The following RIPOR2 variants were observed in gnomAD, a reference collection of about 807,000 sequenced individuals.
The protein encoded by RIPOR2 is RHO family interacting cell polarization regulator 2.
Under a neutral mutation model 114.5 loss-of-function variants are expected in RIPOR2, and 39 were observed. The observed-to-expected ratio is 0.34, with a 90% CI of 0.26 to 0.44. RIPOR2 has a LOEUF of 0.44. Ranked by LOEUF, RIPOR2 falls within the 20% of genes least tolerant of loss-of-function variation. The pLI is 1.00. For missense variants in RIPOR2, 1,007 were observed against 1,255.1 expected (o/e 0.80, Z 2.99); for synonymous variants, 445 against 484.4 (o/e 0.92, Z 1.07).
At position 24,839,233 on chromosome 6, in the gene RIPOR2, T is replaced by A; in HGVS notation, c.1897A>T (p.Ser633Cys). 1 of 1,551,892 alleles carries A rather than the reference T, an allele frequency of 6.4e-7. No individual in the cohort carries two copies. Among genetic ancestry groups the A allele is most frequent in the African/African-American group, 1.4e-5 (1 of 73,162 alleles). The change falls in exon 14 of 22, where the codon AGT becomes TGT. Residue 633 changes from serine to cysteine, a missense_variant. Transcript: ENST00000643898. ...AVSRSRSSSLSLTVESALESF... is the reference protein window; with the variant it reads ...AVSRSRSSSLCLTVESALESF... ...TCTAAAGCACTTTCAACTGTGAGAC[T>A]TAAACTGGAAGACCTGCTGCGGCTT...
At chr6:25,038,609 C>T (rs1777349866) in intron 1 of RIPOR2, among the ~76,000 whole-genome samples, 1 of 152,146 alleles carries the variant, frequency 6.6e-6, no homozygotes, top group Non-Finnish European at 1.5e-5. Flanking sequence ...AGGCCTCAGG[C>T]CTACAACTGC....
chr6:24,955,044 G>A lies in RIPOR2; in HGVS notation c.77-79227C>T, dbSNP rs34729112. On this transcript the variant is annotated intron_variant, in intron 1 of 13. Transcript: ENST00000510784. Reference sequence around the variant, plus strand: ...ACATATATACTGAGTATGTGTAGATGTGCTTAGAGGAAAGGATGTTGGCCA... The same window carrying A: ...ACATATATACTGAGTATGTGTAGATATGCTTAGAGGAAAGGATGTTGGCCA... Among the ~76,000 whole-genome samples, 1,235 of 149,916 alleles carry A rather than the reference G, an allele frequency of 8.2e-3. 4 individuals carry two copies. Among genetic ancestry groups the A allele is most frequent in the Non-Finnish European group, 0.013 (886 of 67,130 alleles).
chr6:24,902,271 G>A (rs1042329684), intron 1 of RIPOR2, among the ~76,000 whole-genome samples: 1 of 150,684 alleles, frequency 6.6e-6, no homozygotes, highest in African/African-American at 2.4e-5. Context: ...CTGGAGTACA[G>A]TGGCGCGATC....
intron 19 of RIPOR2, among the ~76,000 whole-genome samples, chr6:24,819,662 A>ACTTTTTTT (rs1759494036): frequency 9.7e-6 from 1 of 103,308 alleles, no homozygotes; most frequent in African/African-American, 3.3e-5. Context: ...CGCCCAGCTA[A>ACTTTTTTT]TTTTTTTTTT....
Position 24,873,082 on chromosome 6 carries a change from G to A in RIPOR2, c.345-123C>T, listed in dbSNP as rs1014229257. 15 of 660,558 alleles carry A rather than the reference G, an allele frequency of 2.3e-5. No homozygotes were observed. In the African/African-American group the frequency reaches 2.5e-4, roughly 11 times the overall value. 40.9% of individuals were successfully genotyped at this position (660,558 alleles called of 1,614,324 possible). A position where few individuals can be genotyped will look rare whatever the true frequency, so the allele number is the denominator to read the frequency against. ...TGAACCTTGCTCTGTAGTTGGGCAGGAGGCTTTGTATTTTCCCAGTCTTTC... is the reference window on the plus strand; with the variant it reads ...TGAACCTTGCTCTGTAGTTGGGCAGAAGGCTTTGTATTTTCCCAGTCTTTC... On this transcript the variant is annotated intron_variant, in intron 3 of 21. Transcript: ENST00000643898.
At chr6:24,913,915 C>G (rs1279059191) in intron 1 of RIPOR2, among the ~76,000 whole-genome samples, 1 of 152,116 alleles carries the variant, frequency 6.6e-6, no homozygotes, top group Non-Finnish European at 1.5e-5. Context: ...GGTATCCTCA[C>G]CCCCACCCAT....
At chr6:25,038,213 A>G (rs1777330806) in intron 1 of RIPOR2, among the ~76,000 whole-genome samples, 1 of 152,256 alleles carries the variant, frequency 6.6e-6, no homozygotes, top group Non-Finnish European at 1.5e-5. Context: ...CAGTAGCTCA[A>G]AATCGAAGTT....
chr6:24,932,801 CT>C (rs1771504605), intron 1 of RIPOR2, among the ~76,000 whole-genome samples: 1 of 152,106 alleles, frequency 6.6e-6, no homozygotes, highest in South Asian at 2.1e-4. Flanking sequence ...GGGCATTTTC[CT>C]TTTTTTATGT....
At chr6:24,848,185 A>C in intron 11 of RIPOR2, 31 bp from the exon 12 acceptor site, 1 of 1,609,470 alleles carries the variant, frequency 6.2e-7, no homozygotes, top group Admixed American at 1.7e-5. Context: ...AGGTATGCAC[A>C]TTTGGCAAAA....
chr6:24,847,445 G>T, intron 12 of RIPOR2: 1 of 1,295,440 alleles, frequency 7.7e-7, no homozygotes, highest in South Asian at 1.4e-5. Context: ...CATACCCAGT[G>T]AGCAAGACAG....
At chr6:24,959,841 A>G (rs934227606) in intron 1 of RIPOR2, among the ~76,000 whole-genome samples, 1 of 152,240 alleles carries the variant, frequency 6.6e-6, no homozygotes, top group Admixed American at 6.5e-5. Flanking sequence ...TGTGCTGCTT[A>G]TGACTTGGTG....
intron 1 of RIPOR2, among the ~76,000 whole-genome samples, chr6:24,890,657 C>CTT (rs70974945): frequency 4.3e-5 from 6 of 139,092 alleles, no homozygotes; most frequent in Admixed American, 2.2e-4. Flanking sequence ...AGATTTTTTT[C>CTT]TTTTTTTTTT....
chr6:25,010,293 G>A (rs1775723696), intron 1 of RIPOR2, among the ~76,000 whole-genome samples: 1 of 152,054 alleles, frequency 6.6e-6, no homozygotes, highest in East Asian at 1.9e-4. Flanking sequence ...AGAGCTGGTT[G>A]TTAGAAAGAG....
chr6:24,871,873 G>A (rs1765212812), intron 4 of RIPOR2, among the ~76,000 whole-genome samples: 1 of 152,180 alleles, frequency 6.6e-6, no homozygotes, highest in Non-Finnish European at 1.5e-5. Flanking sequence ...ATGGTCAAGC[G>A]CATTCACCAG....
chr6:24,889,902 A>T (rs1291912717), intron 1 of RIPOR2, among the ~76,000 whole-genome samples: 4 of 151,704 alleles, frequency 2.6e-5, no homozygotes, highest in Admixed American at 6.6e-5. Context: ...ATTTTATTTT[A>T]TTTTTTTGAG....
intron 1 of RIPOR2, among the ~76,000 whole-genome samples, chr6:24,997,911 T>G (rs1775116730): frequency 6.6e-6 from 1 of 152,176 alleles, no homozygotes; most frequent in Non-Finnish European, 1.5e-5. Context: ...ACCAAAACTT[T>G]GCTTCGGTAA....
intron 1 of RIPOR2, among the ~76,000 whole-genome samples, chr6:25,029,697 T>C (rs575777864): frequency 6.6e-6 from 1 of 152,300 alleles, no homozygotes; most frequent in African/African-American, 2.4e-5. Context: ...AGCCTTACCC[T>C]GAAGATTATG....
chr6:24,963,746 A>ATG (rs150597947), intron 1 of RIPOR2, among the ~76,000 whole-genome samples: 122,768 of 150,544 alleles, frequency 0.82, 52,656 homozygotes, highest in East Asian at 0.95. Context: ...ATGCATGTGA[A>ATG]TGTGTGTGTG....
intron 15 of RIPOR2, among the ~76,000 whole-genome samples, 198 bp downstream of exon 15, chr6:24,835,505 T>C (rs1011464666): frequency 1.3e-5 from 2 of 151,854 alleles, no homozygotes; most frequent in African/African-American, 2.4e-5. Flanking sequence ...GTCTGGAGAG[T>C]TAGGTTCGAA....
Sources: allele counts gnomAD v4.1 joint callset (sites outside exome capture counted in the v4.1 genomes callset), GRCh38; gene constraint gnomAD v4.1.1; transcripts MANE v1.5; gene names NCBI Gene and HGNC (gene_info 2026-07-23, HGNC 2026-07-21).